Variants in FHIT observed in about 807,000 individuals in gnomAD.
The protein encoded by FHIT is fragile histidine triad diadenosine triphosphatase.
FHIT carries 19 observed loss-of-function variants against 17.9 expected under a neutral mutation model. The ratio of observed to expected loss-of-function variants is 1.06; its 90% CI spans 0.74 to 1.56. The LOEUF is 1.56. FHIT is among the 40% of genes most tolerant of loss of function. The pLI is 0.00. For synonymous variants in FHIT, 81 were observed against 69.7 expected (o/e 1.16, Z -0.81); for missense variants, 248 against 189.2 (o/e 1.31, Z -1.82).
At chr3:59,945,231 T>C (rs992909795) in intron 7 of FHIT, among the ~76,000 whole-genome samples, 13 of 152,204 alleles carry the variant, frequency 8.5e-5, no homozygotes, top group African/African-American at 2.7e-4. Flanking sequence ...TGGTATGAGA[T>C]GGTATCTTAT....
chr3:60,826,908 G>T (rs924714125), intron 3 of FHIT, among the ~76,000 whole-genome samples: 3 of 152,114 alleles, frequency 2.0e-5, no homozygotes, highest in Non-Finnish European at 4.4e-5. Context: ...TTCTTCAGCA[G>T]ATTTCGCAAT....
intron 4 of FHIT, among the ~76,000 whole-genome samples, chr3:60,549,018 T>C (rs1050341328): frequency 2.6e-5 from 4 of 152,174 alleles, no homozygotes; most frequent in African/African-American, 9.7e-5. Flanking sequence ...CAGTACCTTC[T>C]TCTCAAGGAC....
At chr3:60,067,854 G>C (rs2630174) in intron 5 of FHIT, among the ~76,000 whole-genome samples, 50,461 of 151,700 alleles carry the variant, frequency 0.33, 9,639 homozygotes, top group African/African-American at 0.53. Flanking sequence ...CAGACTAACA[G>C]TTTGAAGGGC....
intron 2 of FHIT, among the ~76,000 whole-genome samples, chr3:61,109,596 T>C (rs1427642383): frequency 6.6e-6 from 1 of 152,202 alleles, no homozygotes; most frequent in Non-Finnish European, 1.5e-5. Flanking sequence ...TTCCTGTCTC[T>C]GGGTCTCTTC....
intron 4 of FHIT, among the ~76,000 whole-genome samples, chr3:60,686,335 TG>T (rs2040861512): frequency 1.3e-5 from 2 of 152,208 alleles, no homozygotes; most frequent in South Asian, 4.1e-4. Context: ...GGGAAGTGTG[TG>T]GGGCCACTGT....
intron 1 of FHIT, among the ~76,000 whole-genome samples, chr3:61,207,791 T>C (rs1040377602): frequency 2.6e-5 from 4 of 152,248 alleles, no homozygotes; most frequent in Admixed American, 6.5e-5. Flanking sequence ...ATTAATTTTT[T>C]GAAGGGTTTT....
At chr3:59,959,565 C>G (rs1296710694) in intron 7 of FHIT, among the ~76,000 whole-genome samples, 4 of 152,184 alleles carry the variant, frequency 2.6e-5, no homozygotes, top group African/African-American at 9.7e-5. Context: ...TTCATTCATT[C>G]ATCCATCTAG....
intron 5 of FHIT, among the ~76,000 whole-genome samples, chr3:60,139,027 C>T (rs575150213): frequency 6.6e-6 from 1 of 152,250 alleles, no homozygotes; most frequent in Non-Finnish European, 1.5e-5. Context: ...CCGATGTCTC[C>T]TCCAATGTTC....
intron 3 of FHIT, among the ~76,000 whole-genome samples, chr3:60,906,700 C>T (rs1432357700): frequency 5.3e-5 from 8 of 152,164 alleles, no homozygotes; most frequent in Admixed American, 1.3e-4. Context: ...TTGAGCCTCA[C>T]AAAAGAATAA....
intron 7 of FHIT, among the ~76,000 whole-genome samples, chr3:59,999,519 GA>G (rs1006264100): frequency 2.9e-4 from 44 of 152,204 alleles, no homozygotes; most frequent in African/African-American, 1.0e-3. Context: ...AGCATATTAA[GA>G]AACAACAATA....
chr3:60,685,496 C>T (rs188657199), intron 4 of FHIT, among the ~76,000 whole-genome samples: 45 of 152,152 alleles, frequency 3.0e-4, no homozygotes, highest in African/African-American at 8.4e-4. Context: ...TACTCGAAGC[C>T]AGCTTGCTTT....
At chr3:60,768,821 G>A (rs781945109) in intron 4 of FHIT, among the ~76,000 whole-genome samples, 13 of 152,236 alleles carry the variant, frequency 8.5e-5, no homozygotes, top group South Asian at 4.1e-4. Context: ...AAATTGCCCC[G>A]CAAACTGCCT....
chr3:61,166,034 A>C (rs527562234), intron 2 of FHIT, among the ~76,000 whole-genome samples: 14 of 152,318 alleles, frequency 9.2e-5, no homozygotes, highest in Admixed American at 5.9e-4. Flanking sequence ...TTTGCCTCAT[A>C]CATCAGCAAA....
chr3:60,962,466 T>C lies in FHIT; in HGVS notation c.-111+79581A>G, dbSNP rs9871584. Among the ~76,000 whole-genome samples the C allele has an allele frequency of 2.3e-3, 356 of 152,310 alleles. 1 individual carries two copies. In the Middle Eastern group the frequency reaches 0.024, roughly 10 times the overall value. On this transcript the variant is annotated intron_variant, in intron 3 of 9. Transcript: ENST00000492590. ...GCCCTGGCCAGAATTTCCAACACTATGTTGAATAGGAGTGGTGAAAGAGGG... is the reference window on the plus strand; with the variant it reads ...GCCCTGGCCAGAATTTCCAACACTACGTTGAATAGGAGTGGTGAAAGAGGG...
At chr3:60,481,902 C>T (rs2033626028) in intron 5 of FHIT, among the ~76,000 whole-genome samples, 1 of 152,050 alleles carries the variant, frequency 6.6e-6, no homozygotes, top group South Asian at 2.1e-4. Context: ...AGAGTCAAGA[C>T]CCATCAGTGT....
At chr3:60,984,816 G>GCA (rs1710652654) in intron 3 of FHIT, among the ~76,000 whole-genome samples, 1 of 140,698 alleles carries the variant, frequency 7.1e-6, no homozygotes, top group Non-Finnish European at 1.6e-5. Flanking sequence ...GTGTGTGTGT[G>GCA]CATATACATG....
intron 3 of FHIT, among the ~76,000 whole-genome samples, chr3:60,978,567 T>G (rs754695844): frequency 6.6e-6 from 1 of 152,236 alleles, no homozygotes; most frequent in Non-Finnish European, 1.5e-5. Flanking sequence ...AAACTTGGGT[T>G]GGAATTCCAA....
intron 5 of FHIT, among the ~76,000 whole-genome samples, chr3:60,409,415 C>A (rs1189729745): frequency 6.6e-6 from 1 of 152,182 alleles, no homozygotes; most frequent in Non-Finnish European, 1.5e-5. Context: ...ATATAGGCAT[C>A]ATTTGGTTTA....
At chr3:60,401,131 T>A (rs1701641167) in intron 5 of FHIT, among the ~76,000 whole-genome samples, 2 of 152,098 alleles carry the variant, frequency 1.3e-5, no homozygotes, top group African/African-American at 4.8e-5. Context: ...CTAAAGACAT[T>A]ATCTATGCAT....
Sources: gnomAD v4.1 joint callset for allele counts (sites outside exome capture counted in the v4.1 genomes callset) on GRCh38, gnomAD v4.1.1 for gene constraint, MANE v1.5 for transcripts, NCBI Gene and HGNC (gene_info 2026-07-23, HGNC 2026-07-21) for gene names.